Variants in BRDT observed in about 807,000 individuals in gnomAD.
BRDT encodes the protein bromodomain testis associated.
Under a neutral mutation model 113.9 loss-of-function variants are expected in BRDT, and 77 were observed. The ratio of observed to expected loss-of-function variants is 0.68; its 90% CI spans 0.56 to 0.82. The LOEUF is 0.82. Ranked by LOEUF, BRDT falls within the 40% of genes least tolerant of loss-of-function variation. The pLI is 0.00. For synonymous variants in BRDT, 358 were observed against 366.5 expected (o/e 0.98, Z 0.26); for missense variants, 1,027 against 1,105.4 (o/e 0.93, Z 1.01).
intron 1 of BRDT, among the ~76,000 whole-genome samples, chr1:91,956,999 C>CA (rs1681845424): frequency 6.6e-6 from 1 of 151,764 alleles, no homozygotes; most frequent in Non-Finnish European, 1.5e-5. Context: ...ACATTTTTGG[C>CA]AAAAAGGCTT....
intron 7 of BRDT, among the ~76,000 whole-genome samples, chr1:91,978,997 C>CAAAA (rs774952902): frequency 0.18 from 13,910 of 76,336 alleles, 1,470 homozygotes; most frequent in Non-Finnish European, 0.28. Context: ...GACTACGTCT[C>CAAAA]AAAAAAAAAA....
intron 12 of BRDT, among the ~76,000 whole-genome samples, chr1:91,989,363 T>C (rs72954729): frequency 0.066 from 10,037 of 152,266 alleles, 346 homozygotes; most frequent in Non-Finnish European, 0.087. Flanking sequence ...TTCTCCTTTA[T>C]GATTATGATT....
intron 1 of BRDT, among the ~76,000 whole-genome samples, chr1:91,961,624 A>C (rs891533701): frequency 1.5e-4 from 22 of 143,998 alleles, no homozygotes; most frequent in Admixed American, 1.1e-3. Context: ...ATGAGACTCC[A>C]TCTCAGAGAG....
chr1:91,978,335 G>A, intron 7 of BRDT, 39 bp downstream of exon 7: 1 of 1,599,856 alleles, frequency 6.3e-7, no homozygotes, highest in Non-Finnish European at 8.5e-7. Flanking sequence ...TTTTTCCTCT[G>A]AACATAGTTG....
chr1:91,991,977 G>A (rs1390090117), intron 13 of BRDT, among the ~76,000 whole-genome samples: 4 of 104,424 alleles, frequency 3.8e-5, no homozygotes, highest in Non-Finnish European at 5.2e-5. Context: ...GGGCGACAGA[G>A]CAAGACTCTG....
intron 4 of BRDT, among the ~76,000 whole-genome samples, chr1:91,972,624 G>A (rs1683736637): frequency 6.6e-6 from 1 of 150,512 alleles, no homozygotes; most frequent in Admixed American, 6.6e-5. Flanking sequence ...AAGGGACTTA[G>A]GGGTGACCAA....
intron 13 of BRDT, among the ~76,000 whole-genome samples, chr1:91,991,945 T>C (rs1250874378): frequency 4.6e-5 from 6 of 130,356 alleles, no homozygotes; most frequent in Non-Finnish European, 1.5e-5. Context: ...TGAGCCGAGA[T>C]TGTGCCACTG....
chr1:91,961,932 C>T (rs1263485815), intron 1 of BRDT, among the ~76,000 whole-genome samples: 9 of 151,808 alleles, frequency 5.9e-5, no homozygotes, highest in Non-Finnish European at 7.4e-5. Context: ...CCGAGGCGGG[C>T]GGATCACGAG....
In BRDT at chr1:91,953,331, A is replaced by C. The variant is rs543290057; in HGVS notation, c.-38+3649A>C. ...GCTGTTTCCTGAGATTGAAGTATGC[A>C]CTTAGGGCAACACAATTTAATAACT... On this transcript the variant is annotated intron_variant, in intron 1 of 18. Transcript: ENST00000399546. 1.3e-4 allele frequency among the ~76,000 whole-genome samples: 20 copies of C among 152,276 alleles called. No individual in the cohort carries two copies. In the South Asian group the frequency reaches 2.1e-3, roughly 16 times the overall value.
chr1:92,006,382 T>A (rs1466778382), intron 18 of BRDT, among the ~76,000 whole-genome samples: 1 of 152,174 alleles, frequency 6.6e-6, no homozygotes, highest in Non-Finnish European at 1.5e-5. Flanking sequence ...TTTTAACCTA[T>A]CTTGTGTTTT....
intron 10 of BRDT, 21 bp from the exon 11 acceptor site, chr1:91,981,247 C>G: frequency 6.2e-7 from 1 of 1,611,210 alleles, no homozygotes; most frequent in East Asian, 2.2e-5. Context: ...TACTCACTTT[C>G]TTCCCTCCTA....
intron 14 of BRDT, 98 bp downstream of exon 14, chr1:91,992,412 C>CAAAAAAA: frequency 5.6e-6 from 1 of 179,264 alleles, no homozygotes; most frequent in South Asian, 8.1e-5. Context: ...TGAAGAGAGG[C>CAAAAAAA]AAAAAAAAAA....
intron 15 of BRDT, among the ~76,000 whole-genome samples, chr1:91,998,485 T>TA (rs1321165935): frequency 6.6e-6 from 1 of 152,150 alleles, no homozygotes; most frequent in East Asian, 1.9e-4. Context: ...TCCCAGAACT[T>TA]AAAGTATAAT....
chr1:91,994,383 C>G (rs931806549), intron 15 of BRDT, 129 bp downstream of exon 15: 4 of 769,406 alleles, frequency 5.2e-6, no homozygotes, highest in Non-Finnish European at 8.1e-6. Context: ...CTAGTAAATT[C>G]CAGGTTACAA....
chr1:91,986,187 T>C (rs1039454197), intron 12 of BRDT, among the ~76,000 whole-genome samples: 1 of 152,228 alleles, frequency 6.6e-6, no homozygotes, highest in African/African-American at 2.4e-5. Flanking sequence ...GTATCTTATG[T>C]TGACTAGGCT....
Position 92,005,283 on chromosome 1 carries a change from G to A in BRDT, c.2759G>A (p.Arg920Lys). The A allele has an allele frequency of 6.4e-7, 1 of 1,554,006 alleles. No homozygotes were observed. The highest frequency in any genetic ancestry group is 8.6e-7 in the Non-Finnish European group (1 of 1,158,778). ...TTAGCAAGGCAGAAAGAACAAGAGA[G>A]GAGGAGGAGAGAAGCAGTAAGTGAA... ...RDLARQKEQE[R>K]RRREAMVGTI... The change falls in exon 18 of 19, where the codon AGG becomes AAG. Residue 920 changes from arginine to lysine, a missense_variant. Coordinates refer to ENST00000399546, the MANE Select transcript of BRDT (RefSeq NM_207189.4).
chr1:91,974,324 A>G (rs1391777772), intron 4 of BRDT, among the ~76,000 whole-genome samples: 1 of 152,252 alleles, frequency 6.6e-6, no homozygotes, highest in Non-Finnish European at 1.5e-5. Context: ...ACAGCAATAG[A>G]AACTACCATC....
chr1:91,981,261 C>G lies in BRDT; in HGVS notation c.1751-7C>G, dbSNP rs1045169075. 18 of 1,612,690 alleles carry G rather than the reference C, an allele frequency of 1.1e-5. No individual in the cohort carries two copies. The Admixed American group carries it at 1.2e-4, about 10-fold the overall frequency. On this transcript the variant is annotated splice_polypyrimidine_tract_variant and splice_region_variant and intron_variant, in intron 10 of 18. Transcript: ENST00000399546. The stretch of plus-strand genomic sequence containing the variant: ...ATACTCACTTTCTTCCCTCCTAAAT[C>G]ACACAGCTAAGAAAATAATGATGTC...
At chr1:92,013,689 AT>A (rs1390899152) in intron 18 of BRDT, among the ~76,000 whole-genome samples, 1 of 152,200 alleles carries the variant, frequency 6.6e-6, no homozygotes, top group East Asian at 1.9e-4. Context: ...ATGTAATCTG[AT>A]TCTTCATAAA....
Sources: allele counts gnomAD v4.1 joint callset (sites outside exome capture counted in the v4.1 genomes callset), GRCh38; gene constraint gnomAD v4.1.1; transcripts MANE v1.5; gene names NCBI Gene and HGNC (gene_info 2026-07-23, HGNC 2026-07-21).